The following ATAD3A variants were observed in gnomAD, a reference collection of about 807,000 sequenced individuals.
The protein encoded by ATAD3A is ATPase family AAA domain-containing protein 3A.
ATAD3A carries 46 observed loss-of-function variants against 73.8 expected under a neutral mutation model. The ratio of observed to expected loss-of-function variants is 0.62; its 90% CI spans 0.49 to 0.80. ATAD3A has a LOEUF of 0.80. Ranked by LOEUF, ATAD3A falls within the 30% of genes least tolerant of loss-of-function variation. The probability of loss-of-function intolerance (pLI) is 0.00; values close to 1 mark genes in which losing one functional copy is unlikely to be tolerated. For synonymous variants in ATAD3A, 319 were observed against 350.0 expected, an observed-to-expected ratio of 0.91 and a Z score of 0.99; for missense variants, 705 against 838.0, an observed-to-expected ratio of 0.84 and a Z score of 1.96.
At position 1,534,609 on chromosome 1, in the gene ATAD3A, G is replaced by A. The variant is rs536555195; in HGVS notation, c.*537G>A. 8 of 193,132 alleles carry A rather than the reference G, an allele frequency of 4.1e-5. No individual in the cohort carries two copies. Among genetic ancestry groups the A allele is most frequent in the South Asian group, 2.7e-4 (2 of 7,446 alleles). 12.0% of individuals were successfully genotyped at this position (193,132 alleles called of 1,614,324 possible). On this transcript the variant is annotated 3_prime_UTR_variant, in exon 16 of 16. Transcript: ENST00000378756. ...GAACCTGGCGGGGGTGTCTGAGGCC[G>A]CACTGTCAGCTGGCCGGTCCAAGCC...
At chr1:1,521,506 C>T (rs372126667) in intron 7 of ATAD3A, among the ~76,000 whole-genome samples, 1 of 152,132 alleles carries the variant, frequency 6.6e-6, no homozygotes, top group East Asian at 1.9e-4. Context: ...GTCCCCACCC[C>T]GCCCAGCACA....
At chr1:1,527,511 G>A (rs1430345557) in intron 13 of ATAD3A, among the ~76,000 whole-genome samples, 184 bp from the exon 14 acceptor site, 2 of 152,248 alleles carry the variant, frequency 1.3e-5, no homozygotes, top group Admixed American at 6.5e-5. Context: ...GAGAACAGAG[G>A]CCCAGGAAGC....
chr1:1,516,664 C>T (rs375850375), intron 2 of ATAD3A, among the ~76,000 whole-genome samples: 5 of 152,024 alleles, frequency 3.3e-5, no homozygotes, highest in South Asian at 4.2e-4. Context: ...CCACCTGCCT[C>T]GGCCTCCCAA....
chr1:1,531,915 T>A (rs1466539348), intron 15 of ATAD3A, among the ~76,000 whole-genome samples: 2 of 150,854 alleles, frequency 1.3e-5, no homozygotes, highest in Non-Finnish European at 3.0e-5. Context: ...CCTCCCAAAG[T>A]GCTGGGATTA....
rs563739810 is a variant in ATAD3A, at chr1:1,520,795, A to T, written c.750+178A>T. On this transcript the variant is annotated intron_variant, in intron 7 of 15. Transcript: ENST00000378756. This position sits in a 1 kb window ranked among gnomAD's most constrained non-coding sequence, Gnocchi z 4.0. ...TCTCCTCCCTTCTCAAGCTGGGAGAAGAAAACGCAGTTGCCAGCCTGGGCC... is the reference window on the plus strand; with the variant it reads ...TCTCCTCCCTTCTCAAGCTGGGAGATGAAAACGCAGTTGCCAGCCTGGGCC... 3.6e-3 allele frequency among the ~76,000 whole-genome samples: 554 copies of T among 152,308 alleles called. 8 individuals carry two copies. The highest frequency in any genetic ancestry group is 0.013 in the African/African-American group (521 of 41,554).
chr1:1,512,434 G>T lies in ATAD3A; in HGVS notation c.166G>T (p.Glu56Ter). 1.6e-6 allele frequency: 2 copies of T among 1,222,362 alleles called. No homozygotes were observed. The highest frequency in any genetic ancestry group is 2.0e-6 in the Non-Finnish European group (2 of 977,400). 75.7% of individuals were successfully genotyped at this position (1,222,362 alleles called of 1,614,324 possible). Reference sequence around the variant, plus strand: ...GAGCAACTTCGACCCCACCGGCCTGGAGCGCGCCGCCAAGGCGGCGCGCGA... The same window carrying T: ...GAGCAACTTCGACCCCACCGGCCTGTAGCGCGCCGCCAAGGCGGCGCGCGA... ...KWSNFDPTGL[E>*]RAAKAARELE... Residue 56 changes from glutamate to a stop codon, truncating the protein, a stop_gained, in exon 1 of 16, where the codon GAG (glutamate) becomes TAG (stop). Coordinates refer to ENST00000378756, the MANE Select transcript of ATAD3A (RefSeq NM_001170535.3). LOFTEE classifies it high-confidence loss of function.
chr1:1,514,835 C>T (rs1641304488), intron 1 of ATAD3A, among the ~76,000 whole-genome samples: 2 of 152,208 alleles, frequency 1.3e-5, no homozygotes, highest in Non-Finnish European at 2.9e-5. Flanking sequence ...TCGGGGGTCC[C>T]TGCCTACTTT....
chr1:1,531,025 G>T (rs1191825752), intron 15 of ATAD3A, among the ~76,000 whole-genome samples: 2 of 152,046 alleles, frequency 1.3e-5, no homozygotes, highest in Non-Finnish European at 2.9e-5. Flanking sequence ...CACATTTGTG[G>T]TGTATGCCTG....
At chr1:1,518,487 C>T (rs1371298428) in intron 4 of ATAD3A, among the ~76,000 whole-genome samples, 26 of 116,644 alleles carry the variant, frequency 2.2e-4, no homozygotes, top group African/African-American at 8.0e-4. Context: ...CCCCCCCGCA[C>T]ACATGGGCAC....
At chr1:1,527,331 C>T (rs955764507) in intron 13 of ATAD3A, 181 of 1,105,392 alleles carry the variant, frequency 1.6e-4, no homozygotes, top group Non-Finnish European at 2.0e-4. Flanking sequence ...CCAGTGAACC[C>T]GGGCCCCTGA....
At chr1:1,515,146 G>T (rs887767368) in intron 1 of ATAD3A, among the ~76,000 whole-genome samples, 1 of 152,158 alleles carries the variant, frequency 6.6e-6, no homozygotes, top group Non-Finnish European at 1.5e-5. Flanking sequence ...GGTGCGATCT[G>T]GGTTCACTGC....
In ATAD3A at chr1:1,512,370, C is replaced by A; in HGVS notation, c.102C>A (p.Asp34Glu). 8.0e-7 allele frequency: 1 copy of A among 1,242,954 alleles called. No homozygotes were observed. The highest frequency in any genetic ancestry group is 1.0e-6 in the Non-Finnish European group (1 of 989,346). 77.0% of individuals were successfully genotyped at this position (1,242,954 alleles called of 1,614,324 possible). ...PAQPGAEGGG[D>E]RGLGDRPAPK... ...AGCCCGGGGCCGAGGGCGGCGGGGA[C>A]CGCGGGTTGGGAGACCGGCCGGCGC... Residue 34 changes from aspartate (D) to glutamate (E), a missense_variant, in exon 1 of 16, where the codon GAC (aspartate) becomes GAA (glutamate). Coordinates refer to ENST00000378756, the MANE Select transcript of ATAD3A (RefSeq NM_001170535.3).
chr1:1,515,712 C>G (rs1395383881), intron 1 of ATAD3A, among the ~76,000 whole-genome samples: 1 of 152,220 alleles, frequency 6.6e-6, no homozygotes, highest in Non-Finnish European at 1.5e-5. Context: ...TTAGCCATCG[C>G]CTGACTTTCT....
intron 13 of ATAD3A, 110 bp downstream of exon 13, chr1:1,526,641 C>T (rs1641857982): frequency 3.9e-5 from 61 of 1,564,612 alleles, no homozygotes; most frequent in Non-Finnish European, 4.6e-5. Flanking sequence ...GGGCAGCTGC[C>T]GTGGCCTCAA....
chr1:1,519,924 G>A (rs1359041788), intron 5 of ATAD3A, among the ~76,000 whole-genome samples: 10 of 152,242 alleles, frequency 6.6e-5, no homozygotes, highest in Admixed American at 4.6e-4. Flanking sequence ...GCCTATTGGC[G>A]GCGTGGGCCT....
intron 2 of ATAD3A, 32 bp from the exon 3 acceptor site, chr1:1,517,279 A>G (rs1641392214): frequency 2.6e-6 from 4 of 1,547,372 alleles, no homozygotes; most frequent in Non-Finnish European, 2.6e-6. Context: ...AGCCCTGAGC[A>G]AGTGCCAGCT....
chr1:1,517,065 A>C, intron 2 of ATAD3A: 2 of 1,505,000 alleles, frequency 1.3e-6, no homozygotes, highest in Non-Finnish European at 1.8e-6. Flanking sequence ...TGCAGTCCAA[A>C]AGGGGGTGTC....
At chr1:1,531,591 G>A (rs1642035532) in intron 15 of ATAD3A, among the ~76,000 whole-genome samples, 1 of 151,224 alleles carries the variant, frequency 6.6e-6, no homozygotes, top group Non-Finnish European at 1.5e-5. Flanking sequence ...GGCTAACACG[G>A]TGGAACCCCA....
intron 15 of ATAD3A, among the ~76,000 whole-genome samples, chr1:1,529,839 T>G (rs1333961296): frequency 1.3e-5 from 2 of 152,194 alleles, no homozygotes; most frequent in Non-Finnish European, 2.9e-5. Flanking sequence ...GCTCCGTGGC[T>G]GCTCCAGGGC....
Sources: gnomAD v4.1 joint callset for allele counts (sites outside exome capture counted in the v4.1 genomes callset) on GRCh38, gnomAD v4.1.1 for gene constraint, Gnocchi (gnomAD v3.1) non-coding constraint, MANE v1.5 for transcripts, NCBI Gene and HGNC (gene_info 2026-07-23, HGNC 2026-07-21) for gene names.